SNX11: variants seen among roughly 807,000 people sequenced by gnomAD.
SNX11 encodes sorting nexin-11.
SNX11 carries 19 observed loss-of-function variants against 30.7 expected under a neutral mutation model. The ratio of observed to expected loss-of-function variants is 0.62; its 90% confidence interval spans 0.43 to 0.91. The LOEUF (loss-of-function observed/expected upper bound fraction) is 0.91. SNX11 is among the 40% of genes least tolerant of loss of function. The probability of loss-of-function intolerance (pLI) is 0.00; values close to 1 mark genes in which losing one functional copy is unlikely to be tolerated. For missense variants in SNX11, 302 were observed against 326.7 expected (o/e 0.92, Z 0.58); for synonymous variants, 112 against 119.0 (o/e 0.94, Z 0.38).
intron 4 of SNX11, among the ~76,000 whole-genome samples, chr17:48,114,231 G>A (rs189875690): frequency 2.8e-5 from 4 of 145,426 alleles, no homozygotes; most frequent in South Asian, 2.2e-4. Flanking sequence ...TCGGCTCACC[G>A]CAACCTCCAC....
intron 1 of SNX11, among the ~76,000 whole-genome samples, chr17:48,111,385 C>T (rs60455972): frequency 0.022 from 3,327 of 152,174 alleles, 120 homozygotes; most frequent in African/African-American, 0.076. Context: ...TGGTGGCTCC[C>T]GCCTGTAATC....
At position 48,121,791 on chromosome 17, in the gene SNX11, A is replaced by T; in HGVS notation, c.*283A>T. 2 of 380,140 alleles carry T rather than the reference A, an allele frequency of 5.3e-6. No homozygotes were observed. The highest frequency in any genetic ancestry group is 9.6e-6 in the Non-Finnish European group (2 of 207,654). The allele number at this position is 380,140 out of a possible 1,614,324, so 23.5% of individuals were successfully genotyped here. A position where few individuals can be genotyped will look rare whatever the true frequency, so the allele number is the denominator to read the frequency against. On this transcript the variant is annotated 3_prime_UTR_variant, in exon 7 of 7. Coordinates refer to ENST00000359238, the MANE Select transcript of SNX11 (RefSeq NM_013323.3). Reference sequence around the variant, plus strand: ...CCTGGGATCTGAGTTTCTGCAGGTCATTTGTATGTAGGACCAGGAGTATCT... The same window carrying T: ...CCTGGGATCTGAGTTTCTGCAGGTCTTTTGTATGTAGGACCAGGAGTATCT...
intron 4 of SNX11, among the ~76,000 whole-genome samples, chr17:48,116,575 CTTT>C (rs77655481): frequency 7.1e-6 from 1 of 140,282 alleles, no homozygotes; most frequent in East Asian, 2.0e-4. Context: ...TTCTTTTTTC[CTTT>C]TTTTTTTTTT....
intron 4 of SNX11, among the ~76,000 whole-genome samples, chr17:48,115,687 C>T (rs1052032888): frequency 2.0e-5 from 3 of 152,114 alleles, no homozygotes; most frequent in African/African-American, 7.2e-5. Flanking sequence ...ATTATTTACT[C>T]CTCACACCCA....
rs1414434795 is a variant in SNX11 at position 48,122,205 on chromosome 17, G to T, written c.*697G>T. On this transcript the variant is annotated 3_prime_UTR_variant, in exon 7 of 7. Transcript: ENST00000359238. The stretch of plus-strand genomic sequence containing the variant: ...CAGAGGGAACAGTAACAGCCCAGGG[G>T]CCTTTATTTTGGGAAAGGCTGTCCC... 1 of 153,838 alleles carries T rather than the reference G, an allele frequency of 6.5e-6. No homozygotes were observed. The highest frequency in any genetic ancestry group is 2.4e-5 in the African/African-American group (1 of 41,460). The allele number at this position is 153,838 out of a possible 1,614,324, so 9.5% of individuals were successfully genotyped here.
Position 48,121,622 on chromosome 17 carries a change from T to C in SNX11, c.*114T>C, listed in dbSNP as rs573130617. ...GGCTGGGCTGCTTAGTGTCTTCTAG[T>C]CACCTCTGCTTGGGCTGATTGACAG... On this transcript the variant is annotated 3_prime_UTR_variant, in exon 7 of 7. Transcript: ENST00000359238. 75 of 1,113,904 alleles carry C rather than the reference T, an allele frequency of 6.7e-5. No individual in the cohort carries two copies. The highest frequency in any genetic ancestry group is 9.4e-5 in the Non-Finnish European group (72 of 768,566). 69.0% of individuals were successfully genotyped at this position (1,113,904 alleles called of 1,614,324 possible).
intron 4 of SNX11, among the ~76,000 whole-genome samples, chr17:48,117,859 A>C (rs2063560965): frequency 6.6e-6 from 1 of 152,108 alleles, no homozygotes; most frequent in Non-Finnish European, 1.5e-5. Flanking sequence ...TAAACAAATA[A>C]ATAAATTAGG....
chr17:48,119,053 G>C lies in SNX11; in HGVS notation c.406G>C (p.Glu136Gln). 1 of 1,614,118 alleles carries C rather than the reference G, an allele frequency of 6.2e-7. No homozygotes were observed. The highest frequency in any genetic ancestry group is 1.6e-4 in the Middle Eastern group (1 of 6,062). Reference sequence around the variant, plus strand: ...AAGCCAGCTCTCGGTGCCTGAGATAGAAGCCTGTGTCCAGGGCCGAAGTAC... The same window carrying C: ...AAGCCAGCTCTCGGTGCCTGAGATACAAGCCTGTGTCCAGGGCCGAAGTAC... The part of the protein sequence containing the change: ...LQSQLSVPEI[E>Q]ACVQGRSTMT... Residue 136 changes from glutamate (E) to glutamine (Q), a missense_variant, in exon 6 of 7, where the codon GAA (glutamate) becomes CAA (glutamine). Transcript: ENST00000359238.
rs2063615271 is a variant in SNX11 at position 48,123,099 on chromosome 17, T to A, written c.*1591T>A. 1 of 152,204 alleles carries A rather than the reference T, an allele frequency of 6.6e-6. No individual in the cohort carries two copies. Among genetic ancestry groups the A allele is most frequent in the African/African-American group, 2.4e-5 (1 of 41,440 alleles). 9.4% of individuals were successfully genotyped at this position (152,204 alleles called of 1,614,324 possible). Reference sequence around the variant, plus strand: ...AGCCCTGGCTGGTATTCATCCCTCTTTCCTGCCCGCCTCCCCTGGGTCTCT... The same window carrying A: ...AGCCCTGGCTGGTATTCATCCCTCTATCCTGCCCGCCTCCCCTGGGTCTCT... On this transcript the variant is annotated 3_prime_UTR_variant, in exon 7 of 7. Coordinates refer to ENST00000359238, the MANE Select transcript of SNX11 (RefSeq NM_013323.3).
rs369398524 is a variant in SNX11 at position 48,113,353 on chromosome 17, G to A, written c.182G>A (p.Arg61His). 21 of 1,613,440 alleles carry A rather than the reference G, an allele frequency of 1.3e-5. No homozygotes were observed. The highest frequency in any genetic ancestry group is 8.9e-5 in the East Asian group (4 of 44,862). Residue 61 changes from arginine to histidine, a missense_variant, in exon 4 of 7, where the codon CGT becomes CAT. By Grantham distance (29) the Arg-to-His change is conservative (BLOSUM62 0). Transcript: ENST00000359238. ...AKTSCVRRRYREFVWLRKQLQ... is the reference protein window; with the variant it reads ...AKTSCVRRRYHEFVWLRKQLQ... ...ACTTCCTGTGTGCGGCGCCGCTACC[G>A]TGAGTTCGTGTGGCTGAGAAAGCAG...
intron 4 of SNX11, among the ~76,000 whole-genome samples, chr17:48,117,165 C>T (rs2063554230): frequency 6.6e-6 from 1 of 152,016 alleles, no homozygotes; most frequent in South Asian, 2.1e-4. Flanking sequence ...AGTGATTCCC[C>T]TGCCTCAGCC....
intron 4 of SNX11, among the ~76,000 whole-genome samples, chr17:48,117,455 C>T (rs2063557565): frequency 6.6e-6 from 1 of 151,822 alleles, no homozygotes; most frequent in African/African-American, 2.4e-5. Context: ...TGGGGTTTCA[C>T]CGTGTTAGCC....
intron 6 of SNX11, 71 bp from the exon 7 acceptor site, chr17:48,121,164 G>A (rs2063596985): frequency 6.7e-7 from 1 of 1,498,752 alleles, no homozygotes; most frequent in Admixed American, 2.0e-5. Flanking sequence ...TTATTTTTTT[G>A]TAGAGACGGA....
chr17:48,123,491 C>T lies in SNX11; in HGVS notation c.*1983C>T, dbSNP rs996808971. On this transcript the variant is annotated 3_prime_UTR_variant, in exon 7 of 7. Coordinates refer to ENST00000359238, the MANE Select transcript of SNX11 (RefSeq NM_013323.3). ...TCTTCCTGGAGTTGGTGCTCAGCAGCTAGTTCTGCCAGCCGGCTAGGCTGC... is the reference window on the plus strand; with the variant it reads ...TCTTCCTGGAGTTGGTGCTCAGCAGTTAGTTCTGCCAGCCGGCTAGGCTGC... 6.6e-6 allele frequency among the ~76,000 whole-genome samples: 1 copy of T among 152,110 alleles called. No individual in the cohort carries two copies.
chr17:48,117,679 A>G (rs1408914907), intron 4 of SNX11, among the ~76,000 whole-genome samples: 1 of 152,036 alleles, frequency 6.6e-6, no homozygotes, highest in Non-Finnish European at 1.5e-5. Flanking sequence ...GGCATGAACC[A>G]TGGCACCAAG....
At position 48,121,744 on chromosome 17, in the gene SNX11, G is replaced by A. The variant is rs201576833; in HGVS notation, c.*236G>A. The A allele has an allele frequency of 1.9e-6, 1 of 533,768 alleles. No homozygotes were observed. Among genetic ancestry groups the A allele is most frequent in the African/African-American group, 1.9e-5 (1 of 52,850 alleles). 33.1% of individuals were successfully genotyped at this position (533,768 alleles called of 1,614,324 possible). On this transcript the variant is annotated 3_prime_UTR_variant, in exon 7 of 7. Coordinates refer to ENST00000359238, the MANE Select transcript of SNX11 (RefSeq NM_013323.3). Reference sequence around the variant, plus strand: ...ATAAGACACAGGGGCTGTTGCTTTTGAACAGAACCCTATATTACTCTCCTG... The same window carrying A: ...ATAAGACACAGGGGCTGTTGCTTTTAAACAGAACCCTATATTACTCTCCTG...
chr17:48,115,873 C>T (rs977819669), intron 4 of SNX11, among the ~76,000 whole-genome samples: 4 of 150,340 alleles, frequency 2.7e-5, no homozygotes, highest in African/African-American at 9.8e-5. Flanking sequence ...GGTGAAACTC[C>T]GTTCCCCTGA....
intron 1 of SNX11, chr17:48,110,862 T>C (rs915535041): frequency 2.0e-5 from 3 of 152,898 alleles, no homozygotes; most frequent in African/African-American, 7.2e-5. Flanking sequence ...GGAATAGTTG[T>C]AGAAGTAACA....
chr17:48,117,400 G>T (rs1443865574), intron 4 of SNX11, among the ~76,000 whole-genome samples: 1 of 151,594 alleles, frequency 6.6e-6, no homozygotes, highest in Non-Finnish European at 1.5e-5. Context: ...GACTACAGGC[G>T]CCCGCCACCA....
Sources: gnomAD v4.1 joint callset for allele counts (sites outside exome capture counted in the v4.1 genomes callset) on GRCh38, gnomAD v4.1.1 for gene constraint, MANE v1.5 for transcripts, NCBI Gene and HGNC (gene_info 2026-07-23, HGNC 2026-07-21) for gene names.